GALNTL6: variants seen among roughly 807,000 people sequenced by gnomAD.
GALNTL6 encodes polypeptide N-acetylgalactosaminyltransferase-like 6.
A neutral mutation model predicts 73.7 loss-of-function variants in GALNTL6; 46 were observed. The observed-to-expected ratio is 0.62, with a 90% confidence interval of 0.49 to 0.80. The LOEUF (loss-of-function observed/expected upper bound fraction) is 0.80, where lower values mean the gene tolerates loss of function less well. GALNTL6 is among the 30% of genes least tolerant of loss of function. The pLI is 0.00. For synonymous variants in GALNTL6, 259 were observed against 263.7 expected, an observed-to-expected ratio of 0.98 and a Z score of 0.17; for missense variants, 604 against 755.0, an observed-to-expected ratio of 0.80 and a Z score of 2.34.
intron 8 of GALNTL6, among the ~76,000 whole-genome samples, chr4:172,886,221 C>T (rs893339133): frequency 6.6e-6 from 1 of 152,064 alleles, no homozygotes; most frequent in African/African-American, 2.4e-5. Flanking sequence ...TTCATTATTC[C>T]TTATTGATCT....
chr4:171,986,563 C>A (rs10033734), intron 2 of GALNTL6, among the ~76,000 whole-genome samples: 14,842 of 151,922 alleles, frequency 0.098, 1,073 homozygotes, highest in African/African-American at 0.2. Context: ...AGATAATGGG[C>A]AATGTTTCTC....
At chr4:172,034,117 A>T (rs1741852599) in intron 2 of GALNTL6, among the ~76,000 whole-genome samples, 1 of 152,046 alleles carries the variant, frequency 6.6e-6, no homozygotes, top group African/African-American at 2.4e-5. Context: ...TCTTTTTAGG[A>T]TATTTGCTCC....
chr4:172,338,688 C>T (rs1251449633), intron 4 of GALNTL6, among the ~76,000 whole-genome samples: 22 of 152,122 alleles, frequency 1.4e-4, no homozygotes, highest in Non-Finnish European at 1.5e-5. Context: ...TTGCCTGAGA[C>T]AATGGACTGA....
At chr4:172,726,843 TTCTC>T (rs1304061866) in intron 5 of GALNTL6, among the ~76,000 whole-genome samples, 1 of 152,178 alleles carries the variant, frequency 6.6e-6, no homozygotes, top group Non-Finnish European at 1.5e-5. Flanking sequence ...GAGGTCCCTA[TTCTC>T]TCTCTAATAG....
chr4:172,230,041 G>A (rs867504166), intron 3 of GALNTL6, among the ~76,000 whole-genome samples: 5 of 152,042 alleles, frequency 3.3e-5, no homozygotes, highest in Non-Finnish European at 5.9e-5. Flanking sequence ...ATTTCTAGGG[G>A]TATCCTGGGA....
chr4:172,954,720 A>C (rs1282126382), intron 10 of GALNTL6, among the ~76,000 whole-genome samples: 14 of 152,078 alleles, frequency 9.2e-5, no homozygotes, highest in Admixed American at 9.2e-4. Flanking sequence ...ATCTCACCTC[A>C]GCCTCCCCAA....
intron 5 of GALNTL6, among the ~76,000 whole-genome samples, chr4:172,473,093 C>T (rs1733110532): frequency 6.6e-6 from 1 of 152,154 alleles, no homozygotes. Context: ...TACTTGTCCT[C>T]AGCCTTTCCC....
chr4:172,692,446 G>A (rs1176303594), intron 5 of GALNTL6, among the ~76,000 whole-genome samples: 1 of 152,004 alleles, frequency 6.6e-6, no homozygotes, highest in Non-Finnish European at 1.5e-5. Context: ...ATACCAAGTT[G>A]TACTCATATC....
chr4:172,570,256 A>T (rs538282326), intron 5 of GALNTL6, among the ~76,000 whole-genome samples: 1 of 152,282 alleles, frequency 6.6e-6, no homozygotes, highest in African/African-American at 2.4e-5. Context: ...GAGTATGTGC[A>T]TCTGCTGAAG....
At chr4:172,866,514 A>G (rs1744671619) in intron 7 of GALNTL6, among the ~76,000 whole-genome samples, 1 of 152,224 alleles carries the variant, frequency 6.6e-6, no homozygotes, top group Admixed American at 6.5e-5. Flanking sequence ...CATGCAAAGC[A>G]CTTAGCCCAG....
chr4:172,039,701 AATCTGCCTGAGC>A (rs1297778402), intron 2 of GALNTL6, among the ~76,000 whole-genome samples: 1 of 152,162 alleles, frequency 6.6e-6, no homozygotes, highest in African/African-American at 2.4e-5. Context: ...GGGAGTGGGG[AATCTGCCTGAGC>A]AGATGGGCAA....
chr4:172,131,830 T>C (rs1302083551), intron 2 of GALNTL6, among the ~76,000 whole-genome samples: 1 of 151,912 alleles, frequency 6.6e-6, no homozygotes, highest in Non-Finnish European at 1.5e-5. Context: ...ACTAGATGCA[T>C]AGATTTATGT....
At chr4:172,348,300 C>T (rs549723826) in intron 4 of GALNTL6, among the ~76,000 whole-genome samples, 3 of 152,178 alleles carry the variant, frequency 2.0e-5, no homozygotes, top group African/African-American at 7.2e-5. Flanking sequence ...ACCCTGATAC[C>T]AGAGGATAAA....
At chr4:172,515,447 A>G (rs1460630667) in intron 5 of GALNTL6, among the ~76,000 whole-genome samples, 4 of 151,980 alleles carry the variant, frequency 2.6e-5, no homozygotes, top group Admixed American at 6.6e-5. Context: ...TGAGATTTAC[A>G]CAGTCCGGAT....
At chr4:173,022,074 G>GGAAGGAAA (rs1561091693) in intron 12 of GALNTL6, among the ~76,000 whole-genome samples, 2,355 of 106,968 alleles carry the variant, frequency 0.022, 48 homozygotes, top group African/African-American at 0.028. Flanking sequence ...AAGGAAGGAA[G>GGAAGGAAA]GAAGGAAGGA....
rs188112847 is a variant in GALNTL6, at chr4:172,013,581, A to T, written c.138+198863A>T. On this transcript the variant is annotated intron_variant, in intron 2 of 12. Transcript: ENST00000506823. ...CTTTTCTTTTTAATTTTTTGTGGGT[A>T]CATAGTAGGTGTGTACATTTGTGGG... Among the ~76,000 whole-genome samples, 435 of 152,096 alleles carry T rather than the reference A, an allele frequency of 2.9e-3. 1 individual carries two copies. Among genetic ancestry groups the T allele is most frequent in the African/African-American group, 0.01 (424 of 41,534 alleles).
At chr4:172,267,938 T>C (rs1018870640) in intron 3 of GALNTL6, among the ~76,000 whole-genome samples, 1 of 152,194 alleles carries the variant, frequency 6.6e-6, no homozygotes, top group Non-Finnish European at 1.5e-5. Context: ...GTTACTTTTC[T>C]GTTTCTGTAA....
At chr4:171,953,756 CAA>C (rs1560856848) in intron 2 of GALNTL6, among the ~76,000 whole-genome samples, 1 of 152,010 alleles carries the variant, frequency 6.6e-6, no homozygotes, top group Non-Finnish European at 1.5e-5. Context: ...TAATGAATAT[CAA>C]GAGTATATAT....
chr4:172,974,878 A>T (rs926649321), intron 10 of GALNTL6, among the ~76,000 whole-genome samples: 2 of 152,224 alleles, frequency 1.3e-5, no homozygotes, highest in Non-Finnish European at 2.9e-5. Flanking sequence ...GCATACCACG[A>T]CCAGCTTCTA....
Sources: gnomAD v4.1 joint callset for allele counts (sites outside exome capture counted in the v4.1 genomes callset) on GRCh38, gnomAD v4.1.1 for gene constraint, MANE v1.5 for transcripts, NCBI Gene and HGNC (gene_info 2026-07-23, HGNC 2026-07-21) for gene names.